ZFYVE19: variants seen among roughly 807,000 people sequenced by gnomAD.
The protein encoded by ZFYVE19 is zinc finger FYVE-type containing 19.
A neutral mutation model predicts 62.8 loss-of-function variants in ZFYVE19; 49 were observed. The ratio of observed to expected loss-of-function variants is 0.78; its 90% confidence interval spans 0.62 to 0.99. The LOEUF (loss-of-function observed/expected upper bound fraction) is 0.99, where lower values mean the gene tolerates loss of function less well. Ranked by LOEUF, ZFYVE19 falls within the 50% of genes least tolerant of loss-of-function variation. ZFYVE19 has a pLI of 0.00. For missense variants in ZFYVE19, 630 were observed against 601.9 expected (o/e 1.05, Z -0.49); for synonymous variants, 242 against 234.3 (o/e 1.03, Z -0.30).
intron 1 of ZFYVE19, chr15:40,808,378 G>A: frequency 2.5e-6 from 4 of 1,596,634 alleles, no homozygotes; most frequent in Non-Finnish European, 3.4e-6. Flanking sequence ...GTAAACTGCA[G>A]GTTCCCTCTG....
At position 40,813,809 on chromosome 15, in the gene ZFYVE19, G is replaced by A. The variant is rs1425319466; in HGVS notation, c.1207G>A (p.Glu403Lys). The A allele has an allele frequency of 1.9e-6, 3 of 1,612,700 alleles. No homozygotes were observed. The highest frequency in any genetic ancestry group is 2.7e-5 in the African/African-American group (2 of 74,840). ...GACGCAACCCCGCGGGGCAGAGCCT[G>A]AGGTGAGAAAAGCCCCAGATGCAGA... The part of the protein sequence containing the change: ...PWTQPRGAEP[E>K]AQDVDPRPEA... Residue 403 changes from glutamate to lysine, a missense_variant and splice_region_variant, in exon 9 of 11, where the codon GAG becomes AAG. Glu to Lys is a moderately conservative substitution (Grantham distance 56, BLOSUM62 1). Transcript: ENST00000355341.
At position 40,807,578 on chromosome 15, in the gene ZFYVE19, C is replaced by G. The variant is rs745800021; in HGVS notation, c.-12C>G. On this transcript the variant is annotated 5_prime_UTR_variant, in exon 1 of 11. Coordinates refer to ENST00000355341, the MANE Select transcript of ZFYVE19 (RefSeq NM_001077268.2). ...AGGCTTGACTGACTCTGAGGGAGGC[C>G]GGCAGTCGTGAATGAACTACGACTC... 1.6e-5 allele frequency: 26 copies of G among 1,609,114 alleles called. No homozygotes were observed. Among genetic ancestry groups the G allele is most frequent in the Non-Finnish European group, 2.0e-5 (24 of 1,177,414 alleles).
chr15:40,811,526 G>A (rs559437526), intron 6 of ZFYVE19, among the ~76,000 whole-genome samples: 1 of 152,302 alleles, frequency 6.6e-6, no homozygotes, highest in South Asian at 2.1e-4. Context: ...AGTGTCAAGA[G>A]AACTAAGATT....
chr15:40,813,482 CTG>C, intron 8 of ZFYVE19, 65 bp downstream of exon 8: 1 of 1,476,476 alleles, frequency 6.8e-7, no homozygotes, highest in East Asian at 2.5e-5. Context: ...CACCTCTACT[CTG>C]GGGCTGGGTG....
Position 40,813,365 on chromosome 15 carries a change from A to C in ZFYVE19, c.1058A>C (p.Asp353Ala), listed in dbSNP as rs1190283364. 6.2e-7 allele frequency: 1 copy of C among 1,613,086 alleles called. No homozygotes were observed. Among genetic ancestry groups the C allele is most frequent in the East Asian group, 2.2e-5 (1 of 44,836 alleles). Residue 353 changes from aspartate (D) to alanine (A), a missense_variant, in exon 8 of 11, where the codon GAC becomes GCC. Asp to Ala is a moderately radical substitution (Grantham distance 126). Coordinates refer to ENST00000355341, the MANE Select transcript of ZFYVE19 (RefSeq NM_001077268.2). ...RVTLQDYRLP[D>A]SDDDEDEETA... Reference sequence around the variant, plus strand: ...ACCCTCCAGGACTATCGCCTCCCAGACAGTGATGACGACGAGGATGAGGAG... The same window carrying C: ...ACCCTCCAGGACTATCGCCTCCCAGCCAGTGATGACGACGAGGATGAGGAG...
In ZFYVE19 at chr15:40,810,722, T is replaced by TGG. The variant is rs1890460374; in HGVS notation, c.792_793dup (p.Ala265GlyfsTer70). 1 of 1,569,756 alleles carries TGG rather than the reference T, an allele frequency of 6.4e-7. No homozygotes were observed. Among genetic ancestry groups the TGG allele is most frequent in the East Asian group, 2.3e-5 (1 of 42,690 alleles). ...CTGCTAACGCAGCTGGCAGCTGAGG[T>TGG]GGCTATCGATGAAAGCTGGAAAGGA... On this transcript the variant is annotated frameshift_variant, in exon 6 of 11. Transcript: ENST00000355341. LOFTEE classifies it high-confidence loss of function.
At chr15:40,813,592 C>T (rs1450032871) in intron 8 of ZFYVE19, 121 bp from the exon 9 acceptor site, 1 of 1,182,412 alleles carries the variant, frequency 8.5e-7, no homozygotes, top group African/African-American at 1.5e-5. Flanking sequence ...TCAGCAGCCA[C>T]AGGCCACAAG....
rs775049776 is a variant in ZFYVE19 at position 40,814,048 on chromosome 15, C to G, written c.1315C>G (p.Leu439Val). The G allele has an allele frequency of 8.1e-6, 13 of 1,613,930 alleles. No individual in the cohort carries two copies. The highest frequency in any genetic ancestry group is 1.0e-5 in the Non-Finnish European group (12 of 1,179,834). The change falls in exon 10 of 11, where the codon CTC becomes GTC. Residue 439 changes from leucine (L) to valine (V), a missense_variant. Coordinates refer to ENST00000355341, the MANE Select transcript of ZFYVE19 (RefSeq NM_001077268.2). ...TLRCAGCDGD[L>V]FCARCFREGH... ...ACGCTGCGCTGGCTGCGATGGGGAC[C>G]TCTTCTGTGCCCGCTGCTTCCGGTG...
In ZFYVE19 at chr15:40,807,729, G is replaced by A; in HGVS notation, c.140G>A (p.Gly47Glu). 6.3e-7 allele frequency: 1 copy of A among 1,598,298 alleles called. No individual in the cohort carries two copies. The highest frequency in any genetic ancestry group is 8.5e-7 in the Non-Finnish European group (1 of 1,174,360). Residue 47 changes from glycine (G) to glutamate (E), a missense_variant, in exon 1 of 11, where the codon GGG becomes GAG. Coordinates refer to ENST00000355341, the MANE Select transcript of ZFYVE19 (RefSeq NM_001077268.2). Reference sequence around the variant, plus strand: ...GGCGGGGCAGGGCAGGGAAGGGAAGGGCGGAGCTGGGGTGAGGGTCCAAGG... The same window carrying A: ...GGCGGGGCAGGGCAGGGAAGGGAAGAGCGGAGCTGGGGTGAGGGTCCAAGG... ...VWGGAGQGRE[G>E]RSWGEGPRGP...
At chr15:40,808,204 T>A (rs1890339288) in intron 1 of ZFYVE19, 1 of 1,581,370 alleles carries the variant, frequency 6.3e-7, no homozygotes, top group Admixed American at 1.7e-5. Flanking sequence ...GCGGTGTCCA[T>A]CACACCAAGC....
intron 7 of ZFYVE19, 75 bp downstream of exon 7, chr15:40,812,977 G>A: frequency 7.2e-6 from 11 of 1,534,052 alleles, no homozygotes; most frequent in Non-Finnish European, 9.8e-6. Context: ...TCAGGTGCTG[G>A]GGGTATTTGC....
intron 5 of ZFYVE19, 39 bp downstream of exon 5, chr15:40,810,255 C>T (rs377279855): frequency 7.5e-6 from 12 of 1,608,662 alleles, no homozygotes; most frequent in East Asian, 2.2e-5. Flanking sequence ...GGGGTGCTAG[C>T]GGGAGGACCC....
chr15:40,807,616 G>A lies in ZFYVE19; in HGVS notation c.27G>A (p.Pro9=). The A allele has an allele frequency of 6.2e-7, 1 of 1,612,828 alleles. No individual in the cohort carries two copies. The highest frequency in any genetic ancestry group is 8.5e-7 in the Non-Finnish European group (1 of 1,179,586). Residue 9 remains proline, a synonymous_variant, in exon 1 of 11, where the codon CCG becomes CCA. Coordinates refer to ENST00000355341, the MANE Select transcript of ZFYVE19 (RefSeq NM_001077268.2). MNYDSQQP[P]LPPLPYAGCR... ...TGAACTACGACTCCCAGCAGCCCCC[G>A]TTGCCGCCGCTGCCGTACGCTGGCT...
rs796575657 is a variant in ZFYVE19 at position 40,810,618 on chromosome 15, G to A, written c.718-31G>A. On this transcript the variant is annotated intron_variant, in intron 5 of 10. Coordinates refer to ENST00000355341, the MANE Select transcript of ZFYVE19 (RefSeq NM_001077268.2). ...CCTAGACTGCTTCTGGGCTACCCCT[G>A]CTCTCCACTGAGGTTTCCTCGTCTG... The A allele has an allele frequency of 9.0e-6, 14 of 1,552,164 alleles. No homozygotes were observed. In the African/African-American group the frequency reaches 1.8e-4, roughly 20 times the overall value.
At chr15:40,808,358 G>T (rs748596125) in intron 1 of ZFYVE19, 1 of 1,597,432 alleles carries the variant, frequency 6.3e-7, no homozygotes, top group African/African-American at 1.3e-5. Flanking sequence ...AGACCTGCCA[G>T]ATTCCTCTGG....
chr15:40,813,661 G>T, intron 8 of ZFYVE19, 52 bp from the exon 9 acceptor site: 1 of 1,516,018 alleles, frequency 6.6e-7, no homozygotes, highest in South Asian at 1.2e-5. Context: ...ACTGGGAGAT[G>T]GAGGGCCTGG....
chr15:40,812,971 G>C (rs896778787), intron 7 of ZFYVE19, 69 bp downstream of exon 7: 12 of 1,552,100 alleles, frequency 7.7e-6, no homozygotes, highest in Admixed American at 3.5e-5. Context: ...GCTGAGTCAG[G>C]TGCTGGGGGT....
rs746155591 is a variant in ZFYVE19 at position 40,812,774 on chromosome 15, TGGA to T, written c.910_912del (p.Glu304del). ...TCCAAGAGGCAGGCCAACTGGTCCT[TGGA>T]GGAGGAGAAGAGCAGACTGCTGGCT... is the stretch of plus-strand genomic sequence containing the variant. On this transcript the variant is annotated inframe_deletion, in exon 7 of 11. Transcript: ENST00000355341. 26 of 1,612,748 alleles carry T rather than the reference TGGA, an allele frequency of 1.6e-5. No individual in the cohort carries two copies. The highest frequency in any genetic ancestry group is 2.2e-5 in the South Asian group (2 of 91,040).
Position 40,807,862 on chromosome 15 carries a change from G to A in ZFYVE19, c.273G>A (p.Lys91=), listed in dbSNP as rs1890315269. 6.5e-7 allele frequency: 1 copy of A among 1,535,504 alleles called. No homozygotes were observed. The highest frequency in any genetic ancestry group is 8.7e-7 in the Non-Finnish European group (1 of 1,149,358). Residue 91 remains lysine (K), a synonymous_variant, in exon 1 of 11, where the codon AAG becomes AAA. Transcript: ENST00000355341. The part of the protein sequence containing the change: ...YGCAVKFTLF[K]KEYGCKNCGR... ...GCGCTGTCAAGTTCACCCTCTTCAA[G>A]AAGGAGGCGAGTCTTCCCTCCCCGA...
Sources: allele counts gnomAD v4.1 joint callset (sites outside exome capture counted in the v4.1 genomes callset), GRCh38; gene constraint gnomAD v4.1.1; transcripts MANE v1.5; gene names NCBI Gene and HGNC (gene_info 2026-07-23, HGNC 2026-07-21).